The following CSNK2B variants were observed in gnomAD, a reference collection of about 807,000 sequenced individuals.
The protein encoded by CSNK2B is casein kinase 2 beta.
Under a neutral mutation model 28.8 loss-of-function variants are expected in CSNK2B, and 2 were observed. The ratio of observed to expected loss-of-function variants is 0.07; its 90% CI spans 0.03 to 0.22. The LOEUF is 0.22. CSNK2B is among the 10% of genes least tolerant of loss of function. The pLI is 1.00. For synonymous variants in CSNK2B, 89 were observed against 96.1 expected, an observed-to-expected ratio of 0.93 and a Z score of 0.43; for missense variants, 107 against 277.9, an observed-to-expected ratio of 0.39 and a Z score of 4.37.
chr6:31,668,030 C>T (rs762745490), intron 3 of CSNK2B, 60 bp downstream of exon 3: 3 of 1,140,940 alleles, frequency 2.6e-6, no homozygotes, highest in Non-Finnish European at 4.0e-6. Context: ...CTTCAAATCT[C>T]TATTCACTTG....
chr6:31,668,069 C>T lies in CSNK2B; in HGVS notation c.175+99C>T, dbSNP rs1801907763. ...GAATTTTGAAATTTCCTTTGGTTCT[C>T]TGATTTCTTTAACCCCAAATTCATG... On this transcript the variant is annotated intron_variant, in intron 3 of 6. Transcript: ENST00000375882. 4.8e-6 allele frequency: 4 copies of T among 832,780 alleles called. No homozygotes were observed. The Admixed American group carries it at 5.9e-5, about 12-fold the overall frequency. 51.6% of individuals were successfully genotyped at this position (832,780 alleles called of 1,614,324 possible). A position where few individuals can be genotyped will look rare whatever the true frequency, so the allele number is the denominator to read the frequency against.
intron 2 of CSNK2B, 113 bp downstream of exon 2, chr6:31,667,016 A>G (rs1235538260): frequency 5.3e-6 from 5 of 940,276 alleles, no homozygotes; most frequent in Non-Finnish European, 8.5e-6. Flanking sequence ...AAAACTTCCT[A>G]TCAGCAAAGA....
intron 2 of CSNK2B, among the ~76,000 whole-genome samples, chr6:31,667,474 A>C (rs915335649): frequency 6.6e-6 from 1 of 152,206 alleles, no homozygotes; most frequent in Non-Finnish European, 1.5e-5. Flanking sequence ...TACTTGTCTC[A>C]GGTGGCCTTT....
At chr6:31,666,795 C>T (rs1220511832) in intron 1 of CSNK2B, 26 bp from the exon 2 acceptor site, 3 of 1,590,326 alleles carry the variant, frequency 1.9e-6, no homozygotes, top group Admixed American at 1.7e-5. Flanking sequence ...AGAACTTGAG[C>T]TTTACTGACA....
chr6:31,667,320 C>T (rs964482212), intron 2 of CSNK2B: 2 of 369,226 alleles, frequency 5.4e-6, no homozygotes, highest in African/African-American at 2.1e-5. Flanking sequence ...TTAGTAGAGA[C>T]AGGGTTTCAC....
intron 2 of CSNK2B, 76 bp downstream of exon 2, chr6:31,666,979 C>T (rs748639535): frequency 7.5e-6 from 9 of 1,204,624 alleles, no homozygotes. Flanking sequence ...TATTCCACTT[C>T]TGCACTGTTC....
chr6:31,669,138 T>C lies in CSNK2B; in HGVS notation c.333T>C (p.Arg111=). ...YQQGDFGYCP[R]VYCENQPMLP... is the part of the protein sequence containing the mutation. ...AAGGAGACTTTGGTTACTGTCCTCG[T>C]GTGTACTGTGAGAACCAGCCAATGC... Residue 111 remains arginine (R), a synonymous_variant, in exon 5 of 7, where the codon CGT becomes CGC. Coordinates refer to ENST00000375882, the MANE Select transcript of CSNK2B (RefSeq NM_001320.7). The surrounding 1 kb of genome is among the most constrained non-coding windows in gnomAD (Gnocchi z 4.8). 1.9e-6 allele frequency: 3 copies of C among 1,613,562 alleles called. No homozygotes were observed. The highest frequency in any genetic ancestry group is 2.5e-6 in the Non-Finnish European group (3 of 1,179,984).
In CSNK2B at chr6:31,668,371, G is replaced by T. The variant is rs906953708; in HGVS notation, c.176-168G>T. On this transcript the variant is annotated intron_variant, in intron 3 of 6. Coordinates refer to ENST00000375882, the MANE Select transcript of CSNK2B (RefSeq NM_001320.7). The stretch of plus-strand genomic sequence containing the variant: ...GAAGGCAGAGCTGTCTTCGTTTGAT[G>T]CAAGGGTCAGAAGCCCAGGTTTCTG... 1.3e-5 allele frequency: 8 copies of T among 622,086 alleles called. No individual in the cohort carries two copies. The African/African-American group carries it at 1.5e-4, about 11-fold the overall frequency. The allele number at this position is 622,086 out of a possible 1,614,324, so 38.5% of individuals were successfully genotyped here.
chr6:31,666,917 A>ACAG lies in CSNK2B; in HGVS notation c.72+14_72+15insCAG. ...TTCTTCTGTGAAGTGAGTTCTCTTCAACCTCCCTACTTGCCAGCTTCACAT... is the reference window on the plus strand; with the variant it reads ...TTCTTCTGTGAAGTGAGTTCTCTTCACAGACCTCCCTACTTGCCAGCTTCACAT... On this transcript the variant is annotated intron_variant, in intron 2 of 6. Transcript: ENST00000375882. 6.2e-7 allele frequency: 1 copy of ACAG among 1,607,980 alleles called. No individual in the cohort carries two copies. Among genetic ancestry groups the ACAG allele is most frequent in the Non-Finnish European group, 8.5e-7 (1 of 1,174,448 alleles).
intron 2 of CSNK2B, chr6:31,667,346 G>A: frequency 2.8e-6 from 1 of 362,406 alleles, no homozygotes. Context: ...TGGCCAGGCT[G>A]GTCTCGAACT....
rs1801893625 is a variant in CSNK2B at position 31,667,915 on chromosome 6, T to C, written c.120T>C (p.Asn40=). Residue 40 remains asparagine, a synonymous_variant, in exon 3 of 7, where the codon AAT becomes AAC. Transcript: ENST00000375882. ...ACAAATTTAATCTTACTGGACTCAATGAGCAGGTCCCTCACTATCGACAAG... is the reference window on the plus strand; with the variant it reads ...ACAAATTTAATCTTACTGGACTCAACGAGCAGGTCCCTCACTATCGACAAG... ...IQDKFNLTGL[N]EQVPHYRQAL... is the part of the protein sequence containing the mutation. The C allele has an allele frequency of 6.4e-7, 1 of 1,555,418 alleles. No homozygotes were observed. Among genetic ancestry groups the C allele is most frequent in the Middle Eastern group, 1.7e-4 (1 of 5,816 alleles).
intron 1 of CSNK2B, 75 bp downstream of exon 1, chr6:31,666,283 G>C: frequency 1.3e-6 from 1 of 777,788 alleles, no homozygotes; most frequent in Non-Finnish European, 1.6e-6. Context: ...ACTTTGATGT[G>C]GGGGCGGGGG....
chr6:31,669,091 C>A lies in CSNK2B; in HGVS notation c.292-6C>A. Reference sequence around the variant, plus strand: ...CTGCCAACCCCTTCCATTGTATTCACCTCAGTTGGAAAAGTACCAGCAAGG... The same window carrying A: ...CTGCCAACCCCTTCCATTGTATTCAACTCAGTTGGAAAAGTACCAGCAAGG... On this transcript the variant is annotated splice_region_variant and splice_polypyrimidine_tract_variant and intron_variant, in intron 4 of 6. Transcript: ENST00000375882. This position sits in a 1 kb window ranked among gnomAD's most constrained non-coding sequence, Gnocchi z 4.8. The A allele has an allele frequency of 6.2e-7, 1 of 1,612,004 alleles. No individual in the cohort carries two copies. The highest frequency in any genetic ancestry group is 8.5e-7 in the Non-Finnish European group (1 of 1,179,022).
chr6:31,669,065 C>T lies in CSNK2B; in HGVS notation c.292-32C>T, dbSNP rs537452358. 1.3e-6 allele frequency: 2 copies of T among 1,578,688 alleles called. No individual in the cohort carries two copies. Among genetic ancestry groups the T allele is most frequent in the South Asian group, 2.2e-5 (2 of 90,348 alleles). The stretch of plus-strand genomic sequence containing the variant: ...GGGAGTTGCCTCTTCTTTACATCTA[C>T]CTGCCAACCCCTTCCATTGTATTCA... On this transcript the variant is annotated intron_variant, in intron 4 of 6. Coordinates refer to ENST00000375882, the MANE Select transcript of CSNK2B (RefSeq NM_001320.7). This position sits in a 1 kb window ranked among gnomAD's most constrained non-coding sequence, Gnocchi z 4.8.
chr6:31,670,058 G>A lies in CSNK2B; in HGVS notation c.*132G>A. The A allele has an allele frequency of 1.3e-6, 1 of 775,486 alleles. No individual in the cohort carries two copies. Among genetic ancestry groups the A allele is most frequent in the Non-Finnish European group, 2.0e-6 (1 of 501,196 alleles). 48.0% of individuals were successfully genotyped at this position (775,486 alleles called of 1,614,324 possible). A position where few individuals can be genotyped will look rare whatever the true frequency, so the allele number is the denominator to read the frequency against. ...GGTGGGAATATGAAATAAAGTAGAAGAAAAGGCCATGAGCTAGTCTGCTGG... is the reference window on the plus strand; with the variant it reads ...GGTGGGAATATGAAATAAAGTAGAAAAAAAGGCCATGAGCTAGTCTGCTGG... On this transcript the variant is annotated 3_prime_UTR_variant, in exon 7 of 7. Transcript: ENST00000375882.
rs1562053874 is a variant in CSNK2B at position 31,669,928 on chromosome 6, T to A, written c.*2T>A. 2 of 1,612,284 alleles carry A rather than the reference T, an allele frequency of 1.2e-6. No individual in the cohort carries two copies. Among genetic ancestry groups the A allele is most frequent in the Admixed American group, 1.7e-5 (1 of 59,912 alleles). The stretch of plus-strand genomic sequence containing the variant: ...AGCCCAGTCAAGACGATTCGCTGAT[T>A]CCCTCCCCCACCTGTCCTGCAGTCT... On this transcript the variant is annotated 3_prime_UTR_variant, in exon 7 of 7. Transcript: ENST00000375882. This position sits in a 1 kb window ranked among gnomAD's most constrained non-coding sequence, Gnocchi z 4.8.
intron 2 of CSNK2B, among the ~76,000 whole-genome samples, chr6:31,667,540 G>C (rs757545950): frequency 6.6e-6 from 1 of 152,224 alleles, no homozygotes; most frequent in African/African-American, 2.4e-5. Flanking sequence ...ATGCTGTTCA[G>C]CTTCCACCTT....
At chr6:31,667,113 C>T (rs1475988022) in intron 2 of CSNK2B, 4 of 698,590 alleles carry the variant, frequency 5.7e-6, no homozygotes, top group Non-Finnish European at 1.0e-5. Context: ...AGCAATATAA[C>T]GTTGGGCTAG....
chr6:31,667,119 GC>G (rs1418720376), intron 2 of CSNK2B: 2 of 697,180 alleles, frequency 2.9e-6, no homozygotes, highest in Non-Finnish European at 2.6e-6. Flanking sequence ...ATAACGTTGG[GC>G]TAGTCAATTT....
Sources: allele counts gnomAD v4.1 joint callset (sites outside exome capture counted in the v4.1 genomes callset), GRCh38; gene constraint gnomAD v4.1.1; non-coding constraint Gnocchi (gnomAD v3.1); transcripts MANE v1.5; gene names NCBI Gene and HGNC (gene_info 2026-07-23, HGNC 2026-07-21).